SBNO2: variants seen among roughly 807,000 people sequenced by gnomAD.
SBNO2 encodes the protein strawberry notch homolog 2.
In SBNO2, 89 loss-of-function variants were observed where a neutral mutation model predicts 146.3. The ratio of observed to expected loss-of-function variants is 0.61; its 90% CI spans 0.51 to 0.73. The LOEUF (loss-of-function observed/expected upper bound fraction) is 0.73. Ranked by LOEUF, SBNO2 falls within the 30% of genes least tolerant of loss-of-function variation. The pLI is 0.00. For missense variants in SBNO2, 2,092 were observed against 2,003.7 expected (o/e 1.04, Z -0.84); for synonymous variants, 1,147 against 892.6 (o/e 1.29, Z -5.08).
In SBNO2 at chr19:1,109,905, T is replaced by A; in HGVS notation, c.3029-128A>T. On this transcript the variant is annotated intron_variant, in intron 26 of 31. Transcript: ENST00000361757. The surrounding 1 kb of genome is among the most constrained non-coding windows in gnomAD (Gnocchi z 4.2). ...AGAGCACAGGAGAGGGTGTCCTGGA[T>A]CCTGGCCTGACCTGGCCCAGCGTGG... The A allele has an allele frequency of 1.4e-6, 1 of 692,754 alleles. No homozygotes were observed. The highest frequency in any genetic ancestry group is 2.4e-6 in the Non-Finnish European group (1 of 417,196). The allele number at this position is 692,754 out of a possible 1,614,324, so 42.9% of individuals were successfully genotyped here.
Position 1,114,285 on chromosome 19 carries a change from C to G in SBNO2, c.2023G>C (p.Val675Leu). Residue 675 changes from valine to leucine, a missense_variant, in exon 18 of 32, where the codon GTG becomes CTG. Coordinates refer to ENST00000361757, the MANE Select transcript of SBNO2 (RefSeq NM_014963.3). The stretch of plus-strand genomic sequence containing the variant: ...TCAACGATGACAACGTCGTCATCCA[C>G]CAGGGACTCGGGGGAGGAGTTGAAG... The part of the protein sequence containing the change: ...SDFNSSPESL[V>L]DDDVVIVDAV... The G allele has an allele frequency of 3.9e-6, 6 of 1,551,180 alleles. No homozygotes were observed. The South Asian group carries it at 7.2e-5, about 18-fold the overall frequency.
rs2079913629 is a variant in SBNO2, at chr19:1,122,535, T to G, written c.938A>C (p.Lys313Thr). Residue 313 changes from lysine to threonine, a missense_variant, in exon 10 of 32, where the codon AAG (lysine) becomes ACG (threonine). By Grantham distance (78) the Lys-to-Thr change is moderately conservative (BLOSUM62 -1). Transcript: ENST00000361757. ...ALWFSVSNDL[K>T]YDAERDLRDI... The stretch of plus-strand genomic sequence containing the variant: ...CCGCAGGTCGCGCTCCGCATCGTAC[T>G]TGAGGTCGTTGGAGACGCTGAACCT... 6.4e-7 allele frequency: 1 copy of G among 1,553,894 alleles called. No homozygotes were observed.
rs1225660936 is a variant in SBNO2 at position 1,157,078 on chromosome 19, G to GCAGCCCC, written c.-126-2683_-126-2677dup. ...GCTGCCCCGATCCCCAGGCCCTCCC[G>GCAGCCCC]CAGCCCCCAGCCCCTAGCCCTGCCT... On this transcript the variant is annotated intron_variant, in intron 1 of 31. Transcript: ENST00000361757. This position sits in a 1 kb window ranked among gnomAD's most constrained non-coding sequence, Gnocchi z 6.8. Among the ~76,000 whole-genome samples, 16 of 147,376 alleles carry GCAGCCCC rather than the reference G, an allele frequency of 1.1e-4. No individual in the cohort carries two copies. The highest frequency in any genetic ancestry group is 4.0e-4 in the African/African-American group (16 of 39,674).
chr19:1,123,081 A>AT, intron 7 of SBNO2, 36 bp from the exon 8 acceptor site: 3 of 1,581,300 alleles, frequency 1.9e-6, no homozygotes, highest in Non-Finnish European at 2.6e-6. Flanking sequence ...GGTAAAGGGT[A>AT]TGGCCAAGGG....
At position 1,113,402 on chromosome 19, in the gene SBNO2, C is replaced by T. The variant is rs111584964; in HGVS notation, c.2247+133G>A. ...CGCTGCTGCCCCAGGGCTCCCCAAA[C>T]GCCCCCTCCTCGCAGGGCCGCGGAG... On this transcript the variant is annotated intron_variant, in intron 19 of 31. Coordinates refer to ENST00000361757, the MANE Select transcript of SBNO2 (RefSeq NM_014963.3). 2.5e-4 allele frequency: 208 copies of T among 830,510 alleles called. 1 individual carries two copies. In the African/African-American group the frequency reaches 2.8e-3, roughly 11 times the overall value. 51.4% of individuals were successfully genotyped at this position (830,510 alleles called of 1,614,324 possible).
chr19:1,165,889 C>T (rs62650648), intron 1 of SBNO2, among the ~76,000 whole-genome samples: 1 of 46,456 alleles, frequency 2.2e-5, no homozygotes, highest in Non-Finnish European at 4.5e-5. Flanking sequence ...AGATCCCAGA[C>T]CCCAGATCTC....
At chr19:1,116,749 G>A (rs575289559) in intron 16 of SBNO2, 80 bp downstream of exon 16, 2 of 1,289,572 alleles carry the variant, frequency 1.6e-6, no homozygotes, top group Non-Finnish European at 2.1e-6. Flanking sequence ...CAAGGGGCAG[G>A]GTCAGGCCAC....
At chr19:1,128,266 G>A in intron 4 of SBNO2, 2 of 475,596 alleles carry the variant, frequency 4.2e-6, no homozygotes, top group Non-Finnish European at 8.3e-6. Flanking sequence ...GCTCGGGTCT[G>A]GGGTGAGCCT....
chr19:1,152,617 C>T (rs1458735852), intron 2 of SBNO2, among the ~76,000 whole-genome samples: 2 of 152,136 alleles, frequency 1.3e-5, no homozygotes, highest in Non-Finnish European at 2.9e-5. Context: ...GGGTCTGGGC[C>T]GCAACAGGGA....
intron 3 of SBNO2, among the ~76,000 whole-genome samples, chr19:1,147,906 G>A (rs931927214): frequency 6.6e-6 from 1 of 152,118 alleles, no homozygotes; most frequent in East Asian, 1.9e-4. Context: ...GTCACCCTGA[G>A]GATGGCAAAG....
intron 4 of SBNO2, among the ~76,000 whole-genome samples, 156 bp from the exon 5 acceptor site, chr19:1,127,921 C>T (rs996570878): frequency 6.6e-6 from 1 of 152,168 alleles, no homozygotes; most frequent in Non-Finnish European, 1.5e-5. Flanking sequence ...TCAAGCAATT[C>T]TCCTGCCTCA....
chr19:1,111,189 G>A (rs2079755048), intron 24 of SBNO2, 96 bp from the exon 25 acceptor site: 1 of 1,358,522 alleles, frequency 7.4e-7, no homozygotes, highest in African/African-American at 1.4e-5. Flanking sequence ...CTCCCTGGGG[G>A]GCTGGGGAGC....
chr19:1,171,674 C>T (rs1167525154), intron 1 of SBNO2, among the ~76,000 whole-genome samples: 2 of 152,138 alleles, frequency 1.3e-5, no homozygotes, highest in African/African-American at 2.4e-5. Flanking sequence ...GAGGGGCATC[C>T]GTGACTCCGC....
chr19:1,117,299 C>CCCT, intron 15 of SBNO2, 24 bp downstream of exon 15: 1 of 1,546,418 alleles, frequency 6.5e-7, no homozygotes, highest in Non-Finnish European at 8.7e-7. Context: ...CCGCCCTCAG[C>CCCT]CCTCGAAGGC....
chr19:1,134,673 G>A (rs1051691939), intron 4 of SBNO2, among the ~76,000 whole-genome samples: 8 of 152,192 alleles, frequency 5.3e-5, no homozygotes, highest in Non-Finnish European at 1.2e-4. Context: ...TGATGGGAAC[G>A]GGGCTTCCTG....
In SBNO2 at chr19:1,144,724, A is replaced by G. The variant is rs1393699138; in HGVS notation, c.279+2585T>C. Among the ~76,000 whole-genome samples the G allele has an allele frequency of 6.6e-6, 1 of 151,036 alleles. No homozygotes were observed. The highest frequency in any genetic ancestry group is 6.6e-5 in the Admixed American group (1 of 15,248). On this transcript the variant is annotated intron_variant, in intron 4 of 31. Coordinates refer to ENST00000361757, the MANE Select transcript of SBNO2 (RefSeq NM_014963.3). The surrounding 1 kb of genome is among the most constrained non-coding windows in gnomAD (Gnocchi z 4.1). ...GAGAGGGAAACAGACACAGAGGCAG[A>G]GAGGGAGACAAAGAGACAGGTGGAG...
chr19:1,127,659 A>G lies in SBNO2; in HGVS notation c.386T>C (p.Leu129Pro). ...GTCCCAGATGGTGGACACCTGGTTG[A>G]GGCTGTCAGCCGGCAGGAAGTCGGG... ...DTPDFLPADSLNQVSTIWDDN... is the reference protein window; with the variant it reads ...DTPDFLPADSPNQVSTIWDDN... Residue 129 changes from leucine (L) to proline (P), a missense_variant, in exon 5 of 32, where the codon CTC becomes CCC. Transcript: ENST00000361757. 1 of 1,613,476 alleles carries G rather than the reference A, an allele frequency of 6.2e-7. No individual in the cohort carries two copies. Among genetic ancestry groups the G allele is most frequent in the Admixed American group, 1.7e-5 (1 of 60,000 alleles).
intron 4 of SBNO2, chr19:1,128,353 C>T (rs974725773): frequency 1.7e-5 from 6 of 350,844 alleles, no homozygotes; most frequent in African/African-American, 1.3e-4. Context: ...GGATGACACA[C>T]ACACACGCGC....
chr19:1,119,483 C>A, intron 13 of SBNO2, 33 bp downstream of exon 13: 1 of 1,410,964 alleles, frequency 7.1e-7, no homozygotes. Context: ...CCACCCCCCG[C>A]CGCCCCTCCA....
Sources: allele counts gnomAD v4.1 joint callset (sites outside exome capture counted in the v4.1 genomes callset), GRCh38; gene constraint gnomAD v4.1.1; non-coding constraint Gnocchi (gnomAD v3.1); transcripts MANE v1.5; gene names NCBI Gene and HGNC (gene_info 2026-07-23, HGNC 2026-07-21).